The following SLIT3 variants were observed in gnomAD, a reference collection of about 807,000 sequenced individuals.
SLIT3 encodes slit guidance ligand 3.
Under a neutral mutation model 184.0 loss-of-function variants are expected in SLIT3, and 68 were observed. The ratio of observed to expected loss-of-function variants is 0.37; its 90% CI spans 0.30 to 0.45. The LOEUF is 0.45. Ranked by LOEUF, SLIT3 falls within the 20% of genes least tolerant of loss-of-function variation. The pLI, the probability that SLIT3 is intolerant of heterozygous loss-of-function variation, is 1.00. For synonymous variants in SLIT3, 831 were observed against 828.6 expected, an observed-to-expected ratio of 1.00 and a Z score of -0.05; for missense variants, 1,707 against 2,026.0, an observed-to-expected ratio of 0.84 and a Z score of 3.02.
chr5:169,236,287 G>C (rs189166159), intron 3 of SLIT3, among the ~76,000 whole-genome samples: 2 of 151,952 alleles, frequency 1.3e-5, no homozygotes, highest in Admixed American at 6.5e-5. Flanking sequence ...ATTTTGTTTT[G>C]AGCACTCCCT....
intron 4 of SLIT3, among the ~76,000 whole-genome samples, chr5:168,950,065 C>T (rs1415563132): frequency 6.6e-6 from 1 of 151,780 alleles, no homozygotes; most frequent in East Asian, 1.9e-4. Flanking sequence ...CCCCACCCCG[C>T]CCAAATTCAT....
At chr5:168,824,012 G>C (rs369722739) in intron 6 of SLIT3, among the ~76,000 whole-genome samples, 1 of 152,130 alleles carries the variant, frequency 6.6e-6, no homozygotes, top group South Asian at 2.1e-4. Context: ...GCAGTGGCAC[G>C]ATCTCAGCTC....
At chr5:169,092,456 C>T (rs545254537) in intron 4 of SLIT3, among the ~76,000 whole-genome samples, 1 of 152,152 alleles carries the variant, frequency 6.6e-6, no homozygotes, top group East Asian at 1.9e-4. Context: ...ATTTTTATTT[C>T]TTGCTACCGA....
chr5:169,147,482 A>G (rs1278976569), intron 4 of SLIT3, among the ~76,000 whole-genome samples: 2 of 152,088 alleles, frequency 1.3e-5, no homozygotes, highest in Admixed American at 6.5e-5. Context: ...GATGGTCTCA[A>G]TCTCCTGACC....
intron 3 of SLIT3, among the ~76,000 whole-genome samples, chr5:169,211,048 T>C (rs74453351): frequency 0.061 from 9,283 of 152,194 alleles, 442 homozygotes; most frequent in East Asian, 0.19. Context: ...AAATATGCCT[T>C]TGATAGCCAA....
intron 4 of SLIT3, among the ~76,000 whole-genome samples, chr5:169,146,287 C>T (rs1005335879): frequency 1.3e-5 from 2 of 152,246 alleles, no homozygotes; most frequent in Non-Finnish European, 2.9e-5. Context: ...AACCGCAAAA[C>T]GTATTCCCTC....
At chr5:168,710,671 A>T (rs576037982) in intron 25 of SLIT3, among the ~76,000 whole-genome samples, 1 of 152,116 alleles carries the variant, frequency 6.6e-6, no homozygotes, top group Non-Finnish European at 1.5e-5. Flanking sequence ...CAGTGAGGAG[A>T]TGTGTGGCAA....
At chr5:168,763,159 G>T (rs913583205) in intron 14 of SLIT3, among the ~76,000 whole-genome samples, 3 of 152,076 alleles carry the variant, frequency 2.0e-5, no homozygotes, top group African/African-American at 7.3e-5. Flanking sequence ...CTATGCCAGG[G>T]GTAGGGGTAA....
chr5:168,863,793 G>T (rs570733850), intron 5 of SLIT3, among the ~76,000 whole-genome samples: 1 of 152,276 alleles, frequency 6.6e-6, no homozygotes, highest in African/African-American at 2.4e-5. Flanking sequence ...AGAAAATCCA[G>T]AGAGATCAAA....
At chr5:169,290,905 G>A (rs1187060310) in intron 1 of SLIT3, among the ~76,000 whole-genome samples, 1 of 152,132 alleles carries the variant, frequency 6.6e-6, no homozygotes, top group African/African-American at 2.4e-5. Flanking sequence ...CACGTGCTAG[G>A]GCAAAGAATG....
intron 9 of SLIT3, among the ~76,000 whole-genome samples, chr5:168,804,759 G>T (rs1288542811): frequency 6.6e-6 from 1 of 152,172 alleles, no homozygotes; most frequent in Non-Finnish European, 1.5e-5. Context: ...GAAAGAAGAA[G>T]CGAAGTCTCC....
intron 4 of SLIT3, among the ~76,000 whole-genome samples, chr5:169,134,779 C>T (rs1218852082): frequency 6.6e-6 from 1 of 152,236 alleles, no homozygotes; most frequent in Non-Finnish European, 1.5e-5. Context: ...GGCCCTGACC[C>T]TTCATGCCCC....
At chr5:169,129,548 T>A (rs1761214957) in intron 4 of SLIT3, among the ~76,000 whole-genome samples, 1 of 151,344 alleles carries the variant, frequency 6.6e-6, no homozygotes, top group African/African-American at 2.4e-5. Context: ...CGAGACTCAG[T>A]CCCCCCAAAA....
At chr5:169,220,245 A>G (rs1263579566) in intron 3 of SLIT3, among the ~76,000 whole-genome samples, 1 of 152,108 alleles carries the variant, frequency 6.6e-6, no homozygotes, top group Non-Finnish European at 1.5e-5. Flanking sequence ...AGGCAGAGAG[A>G]AGATACTAAA....
At chr5:168,745,440 C>T (rs1185620114) in intron 20 of SLIT3, among the ~76,000 whole-genome samples, 3 of 150,558 alleles carry the variant, frequency 2.0e-5, no homozygotes, top group African/African-American at 4.9e-5. Flanking sequence ...GAGACAGAGT[C>T]TCACTTTATT....
intron 4 of SLIT3, among the ~76,000 whole-genome samples, chr5:168,955,574 T>C (rs778247446): frequency 4.6e-5 from 7 of 152,162 alleles, no homozygotes; most frequent in Non-Finnish European, 1.0e-4. Flanking sequence ...ATGGCCCTGG[T>C]GGACACACTC....
intron 10 of SLIT3, chr5:168,791,433 T>A (rs1402062905): frequency 6.6e-6 from 1 of 152,200 alleles, no homozygotes; most frequent in Non-Finnish European, 1.5e-5. Flanking sequence ...TGATAGACAG[T>A]TTAGCTGGGA....
At chr5:169,271,488 G>A (rs1766609253) in intron 1 of SLIT3, among the ~76,000 whole-genome samples, 1 of 152,086 alleles carries the variant, frequency 6.6e-6, no homozygotes, top group African/African-American at 2.4e-5. Flanking sequence ...TGTTTACTCT[G>A]ACGTGGCCTG....
At chr5:168,750,307 T>TTG (rs1364534453) in intron 18 of SLIT3, among the ~76,000 whole-genome samples, 3 of 152,226 alleles carry the variant, frequency 2.0e-5, no homozygotes, top group African/African-American at 7.2e-5. Context: ...GAGTGTTTAC[T>TTG]ACAGGACTGG....
Sources: gnomAD v4.1 joint callset for allele counts (sites outside exome capture counted in the v4.1 genomes callset) on GRCh38, gnomAD v4.1.1 for gene constraint, MANE v1.5 for transcripts, NCBI Gene and HGNC (gene_info 2026-07-23, HGNC 2026-07-21) for gene names.